MLLT3: variants seen among roughly 807,000 people sequenced by gnomAD.
MLLT3 encodes the protein protein AF-9.
Under a neutral mutation model 53.2 loss-of-function variants are expected in MLLT3, and 4 were observed. The observed-to-expected ratio is 0.08, with a 90% CI of 0.04 to 0.17. The LOEUF (loss-of-function observed/expected upper bound fraction) is 0.17, where lower values mean the gene tolerates loss of function less well. MLLT3 is among the 10% of genes least tolerant of loss of function. MLLT3 has a pLI of 1.00. For missense variants in MLLT3, 569 were observed against 684.0 expected, an observed-to-expected ratio of 0.83 and a Z score of 1.87; for synonymous variants, 283 against 230.6, an observed-to-expected ratio of 1.23 and a Z score of -2.06.
chr9:20,346,414 A>G lies in MLLT3; in HGVS notation c.*29T>C. On this transcript the variant is annotated 3_prime_UTR_variant, in exon 11 of 11. Transcript: ENST00000380338. ...AAAAACCAAAAAAAAAAAACACAAT[A>G]GTTCTTGATGCATCCAGTTGTTATA... 6.7e-7 allele frequency: 1 copy of G among 1,501,790 alleles called. No homozygotes were observed. The highest frequency in any genetic ancestry group is 8.9e-7 in the Non-Finnish European group (1 of 1,125,278). The allele number at this position is 1,501,790 out of a possible 1,614,324, so 93.0% of individuals were successfully genotyped here.
intron 4 of MLLT3, among the ~76,000 whole-genome samples, chr9:20,446,680 T>G (rs909089286): frequency 6.6e-6 from 1 of 152,218 alleles, no homozygotes; most frequent in Non-Finnish European, 1.5e-5. Flanking sequence ...GGATTTTAAA[T>G]GGACCAGTTA....
chr9:20,504,406 T>C (rs1465881727), intron 2 of MLLT3, among the ~76,000 whole-genome samples: 1 of 151,832 alleles, frequency 6.6e-6, no homozygotes, highest in African/African-American at 2.4e-5. Context: ...CTGAATACTA[T>C]TCAGCCTTTA....
intron 2 of MLLT3, among the ~76,000 whole-genome samples, chr9:20,553,873 AC>A (rs1818989837): frequency 6.6e-6 from 1 of 151,994 alleles, no homozygotes; most frequent in Admixed American, 6.6e-5. Context: ...GACAATCACA[AC>A]CCTCCTGGCA....
intron 2 of MLLT3, among the ~76,000 whole-genome samples, chr9:20,528,285 A>G (rs2118991405): frequency 6.6e-6 from 1 of 152,350 alleles, no homozygotes; most frequent in Non-Finnish European, 1.5e-5. Flanking sequence ...CTCTGATTTC[A>G]ACTTATTTTT....
At chr9:20,394,820 A>G (rs191116751) in intron 5 of MLLT3, among the ~76,000 whole-genome samples, 3 of 152,274 alleles carry the variant, frequency 2.0e-5, no homozygotes. Context: ...CAAAAGAATG[A>G]CATGCCAGTA....
At chr9:20,452,243 C>G (rs531981968) in intron 3 of MLLT3, among the ~76,000 whole-genome samples, 2 of 152,284 alleles carry the variant, frequency 1.3e-5, no homozygotes, top group East Asian at 1.9e-4. Context: ...AATTGTGGTT[C>G]CCATAATCCC....
intron 2 of MLLT3, among the ~76,000 whole-genome samples, chr9:20,477,216 G>C (rs934359952): frequency 7.9e-5 from 12 of 152,046 alleles, no homozygotes; most frequent in Non-Finnish European, 1.0e-4. Flanking sequence ...GAGAAAACTG[G>C]AACAAAAATG....
chr9:20,380,300 G>T (rs1276362948), intron 5 of MLLT3: 1 of 150,716 alleles, frequency 6.6e-6, no homozygotes, highest in Admixed American at 6.6e-5. Flanking sequence ...TCTTCCTACA[G>T]ACAAGTTAGT....
At chr9:20,615,113 G>A (rs1193753888) in intron 2 of MLLT3, among the ~76,000 whole-genome samples, 2 of 152,130 alleles carry the variant, frequency 1.3e-5, no homozygotes, top group Admixed American at 6.5e-5. Flanking sequence ...GGAGATCGAG[G>A]CTGGTGGGTC....
At chr9:20,425,266 A>T (rs1295916798) in intron 4 of MLLT3, among the ~76,000 whole-genome samples, 1 of 152,200 alleles carries the variant, frequency 6.6e-6, no homozygotes, top group Non-Finnish European at 1.5e-5. Context: ...TTAGATTCTC[A>T]TGTAAAAATA....
At chr9:20,531,722 C>A (rs1818341109) in intron 2 of MLLT3, among the ~76,000 whole-genome samples, 1 of 152,094 alleles carries the variant, frequency 6.6e-6, no homozygotes, top group South Asian at 2.1e-4. Flanking sequence ...ATTGTTGATT[C>A]CCTGCCATTT....
chr9:20,438,376 G>T (rs1046438958), intron 4 of MLLT3, among the ~76,000 whole-genome samples: 5 of 152,108 alleles, frequency 3.3e-5, no homozygotes, highest in Non-Finnish European at 5.9e-5. Flanking sequence ...CATGCTCCTT[G>T]GGCTGGGGTG....
At chr9:20,520,787 G>C (rs144836543) in intron 2 of MLLT3, among the ~76,000 whole-genome samples, 1 of 152,138 alleles carries the variant, frequency 6.6e-6, no homozygotes, top group African/African-American at 2.4e-5. Flanking sequence ...AAGGCACAGG[G>C]ACAGGAAAAT....
chr9:20,557,208 C>G (rs1022230765), intron 2 of MLLT3, among the ~76,000 whole-genome samples: 5 of 151,936 alleles, frequency 3.3e-5, no homozygotes, highest in African/African-American at 1.2e-4. Flanking sequence ...TAAGCAGGGG[C>G]TTTTGGTCAG....
intron 2 of MLLT3, among the ~76,000 whole-genome samples, chr9:20,486,172 A>T (rs1224680846): frequency 6.6e-6 from 1 of 152,174 alleles, no homozygotes; most frequent in Non-Finnish European, 1.5e-5. Flanking sequence ...TCCCAGAAAG[A>T]TTCTGGTTAT....
intron 2 of MLLT3, among the ~76,000 whole-genome samples, chr9:20,576,738 C>G (rs1260541377): frequency 6.6e-6 from 1 of 152,134 alleles, no homozygotes; most frequent in African/African-American, 2.4e-5. Flanking sequence ...ATACTGCAAG[C>G]ATTACCAAAA....
At chr9:20,536,775 C>A (rs972741217) in intron 2 of MLLT3, among the ~76,000 whole-genome samples, 2 of 150,818 alleles carry the variant, frequency 1.3e-5, no homozygotes, top group African/African-American at 4.9e-5. Flanking sequence ...AAAATTACTA[C>A]AAACTACCTA....
chr9:20,407,043 C>G (rs1019538390), intron 5 of MLLT3, among the ~76,000 whole-genome samples: 3 of 152,182 alleles, frequency 2.0e-5, no homozygotes, highest in African/African-American at 7.2e-5. Context: ...CAAAAGAAAA[C>G]AACCCTCTGT....
intron 2 of MLLT3, among the ~76,000 whole-genome samples, chr9:20,578,441 G>A (rs1043035560): frequency 6.6e-6 from 1 of 152,078 alleles, no homozygotes; most frequent in African/African-American, 2.4e-5. Context: ...ACTTTGGGAG[G>A]CAGAGGTGGG....
Sources: allele counts gnomAD v4.1 joint callset (sites outside exome capture counted in the v4.1 genomes callset), GRCh38; gene constraint gnomAD v4.1.1; transcripts MANE v1.5; gene names NCBI Gene and HGNC (gene_info 2026-07-23, HGNC 2026-07-21).